The following MAN2B2 variants were observed in gnomAD, a reference collection of about 807,000 sequenced individuals.
MAN2B2 encodes epididymis-specific alpha-mannosidase.
A neutral mutation model predicts 117.1 loss-of-function variants in MAN2B2; 106 were observed. That is an observed-to-expected ratio of 0.90 (90% CI 0.77 to 1.06). The LOEUF is 1.06. MAN2B2 is among the 50% of genes least tolerant of loss of function. MAN2B2 has a pLI of 0.00. For missense variants in MAN2B2, 1,326 were observed against 1,381.4 expected, an observed-to-expected ratio of 0.96 and a Z score of 0.64; for synonymous variants, 544 against 595.1, an observed-to-expected ratio of 0.91 and a Z score of 1.25.
At chr4:6,612,028 A>G (rs1269957280) in intron 15 of MAN2B2, among the ~76,000 whole-genome samples, 1 of 152,226 alleles carries the variant, frequency 6.6e-6, no homozygotes, top group African/African-American at 2.4e-5. Context: ...CCTAGATACA[A>G]TTTGCTGCCA....
chr4:6,607,025 ACAAT>A (rs1259895629), intron 11 of MAN2B2, among the ~76,000 whole-genome samples: 2 of 152,194 alleles, frequency 1.3e-5, no homozygotes, highest in African/African-American at 4.8e-5. Flanking sequence ...AGCCATCACC[ACAAT>A]CAATTTTAGA....
rs1405103390 is a variant in MAN2B2, at chr4:6,576,622, G to A, written c.183G>A (p.Val61=). The part of the protein sequence containing the change: ...AYAANVYTSV[V]EELARGQQRR... Reference sequence around the variant, plus strand: ...CCGCCAATGTCTACACCTCAGTGGTGGAAGAGCTGGCCCGCGGCCAGCAGC... The same window carrying A: ...CCGCCAATGTCTACACCTCAGTGGTAGAAGAGCTGGCCCGCGGCCAGCAGC... Residue 61 remains valine, a synonymous_variant, in exon 2 of 19, where the codon GTG becomes GTA. Transcript: ENST00000285599. The A allele has an allele frequency of 1.2e-6, 2 of 1,613,890 alleles. No individual in the cohort carries two copies. Among genetic ancestry groups the A allele is most frequent in the Non-Finnish European group, 1.7e-6 (2 of 1,180,008 alleles).
At position 6,621,462 on chromosome 4, in the gene MAN2B2, AATTAC is replaced by A. The variant is rs371800311; in HGVS notation, c.*184_*188del. 177 of 570,098 alleles carry A rather than the reference AATTAC, an allele frequency of 3.1e-4. No homozygotes were observed. In the East Asian group the frequency reaches 4.3e-3, roughly 14 times the overall value. 35.3% of individuals were successfully genotyped at this position (570,098 alleles called of 1,614,324 possible). Reference sequence around the variant, plus strand: ...TTTTTCCCTAATTTTTTTAAACAAAAATTACATTACAAGATCCAGGTTCTTCCCCC... The same window carrying A: ...TTTTTCCCTAATTTTTTTAAACAAAAATTACAAGATCCAGGTTCTTCCCCC... On this transcript the variant is annotated 3_prime_UTR_variant, in exon 19 of 19. Coordinates refer to ENST00000285599, the MANE Select transcript of MAN2B2 (RefSeq NM_015274.3).
At chr4:6,575,418 G>A in intron 1 of MAN2B2, 70 bp downstream of exon 1, 3 of 1,264,916 alleles carry the variant, frequency 2.4e-6, no homozygotes, top group Non-Finnish European at 3.2e-6. Context: ...TCTGAGTGTG[G>A]GTTTGCGTCC....
rs752752195 is a variant in MAN2B2, at chr4:6,576,705, C to T, written c.266C>T (p.Ser89Leu). ...FFRLWWDGVA[S>L]DQQKYQVRQL... ...CGGCTGTGGTGGGATGGCGTCGCCT[C>T]GGACCAGCAGAAATACCAGGTAATG... The change falls in exon 2 of 19, where the codon TCG becomes TTG. Residue 89 changes from serine to leucine, a missense_variant. Coordinates refer to ENST00000285599, the MANE Select transcript of MAN2B2 (RefSeq NM_015274.3). 9 of 1,613,772 alleles carry T rather than the reference C, an allele frequency of 5.6e-6. No individual in the cohort carries two copies. The South Asian group carries it at 6.6e-5, about 12-fold the overall frequency.
At chr4:6,600,788 T>C (rs1313187548) in intron 10 of MAN2B2, 32 bp downstream of exon 10, 2 of 1,611,092 alleles carry the variant, frequency 1.2e-6, no homozygotes, top group East Asian at 4.5e-5. Flanking sequence ...GGAGGGGCCT[T>C]AGCTGCTTGC....
chr4:6,591,195 GAGA>G (rs1726846463), intron 5 of MAN2B2, among the ~76,000 whole-genome samples: 1 of 151,914 alleles, frequency 6.6e-6, no homozygotes, highest in Non-Finnish European at 1.5e-5. Context: ...AAGGGGCCTG[GAGA>G]CCCTTGGGAA....
intron 3 of MAN2B2, among the ~76,000 whole-genome samples, chr4:6,582,084 G>A (rs960598550): frequency 1.3e-5 from 2 of 151,960 alleles, no homozygotes. Flanking sequence ...CTATCCTGAG[G>A]GGAGAGAGCC....
In MAN2B2 at chr4:6,605,185, C is replaced by T. The variant is rs1361551290; in HGVS notation, c.1670C>T (p.Ala557Val). 1.2e-6 allele frequency: 2 copies of T among 1,614,108 alleles called. No homozygotes were observed. The highest frequency in any genetic ancestry group is 4.5e-5 in the East Asian group (2 of 44,896). The change falls in exon 11 of 19, where the codon GCC (alanine) becomes GTC (valine). Residue 557 changes from alanine (A) to valine (V), a missense_variant. Physicochemically the swap from Ala to Val is moderately conservative, Grantham distance 64 (BLOSUM62 0). Coordinates refer to ENST00000285599, the MANE Select transcript of MAN2B2 (RefSeq NM_015274.3). ...CAAGAGGGCACCCAGGAGCCGGCTG[C>T]CACTGTGGCGAGCACCCTTCAATTT... ...GAQEGTQEPA[A>V]TVASTLQFGR...
chr4:6,607,592 A>G (rs535974948), intron 11 of MAN2B2, among the ~76,000 whole-genome samples: 1 of 152,336 alleles, frequency 6.6e-6, no homozygotes, highest in South Asian at 2.1e-4. Context: ...ATACTATTCC[A>G]TCGCATGTAT....
chr4:6,611,075 C>G lies in MAN2B2; in HGVS notation c.2371-11C>G, dbSNP rs1289727533. Reference sequence around the variant, plus strand: ...TGCAAGCCGGGCCTCTCGGACAATGCCTTCCCGCAGGTCATGCTCCACCGG... The same window carrying G: ...TGCAAGCCGGGCCTCTCGGACAATGGCTTCCCGCAGGTCATGCTCCACCGG... On this transcript the variant is annotated splice_polypyrimidine_tract_variant and intron_variant, in intron 14 of 18. Transcript: ENST00000285599. 6.2e-7 allele frequency: 1 copy of G among 1,611,904 alleles called. No homozygotes were observed. Among genetic ancestry groups the G allele is most frequent in the Non-Finnish European group, 8.5e-7 (1 of 1,178,480 alleles).
intron 15 of MAN2B2, among the ~76,000 whole-genome samples, chr4:6,612,949 TTCTC>T (rs1368873005): frequency 8.5e-5 from 13 of 152,348 alleles, no homozygotes; most frequent in East Asian, 7.7e-4. Flanking sequence ...TCACCTGCAC[TTCTC>T]TCTGTCTGCA....
rs917290093 is a variant in MAN2B2 at position 6,604,200 on chromosome 4, C to T, written c.1540-855C>T. Among the ~76,000 whole-genome samples the T allele has an allele frequency of 4.6e-5, 7 of 152,098 alleles. No individual in the cohort carries two copies. The East Asian group carries it at 5.8e-4, about 13-fold the overall frequency. ...GGGCCAGAGGACAGAGTAAGGTCAC[C>T]GCAGGGAGGAGGCTGGGTCCCAGAG... On this transcript the variant is annotated intron_variant, in intron 10 of 18. Coordinates refer to ENST00000285599, the MANE Select transcript of MAN2B2 (RefSeq NM_015274.3).
At chr4:6,594,024 G>A (rs1476667780) in intron 6 of MAN2B2, among the ~76,000 whole-genome samples, 1 of 152,098 alleles carries the variant, frequency 6.6e-6, no homozygotes, top group Non-Finnish European at 1.5e-5. Flanking sequence ...CCCTTGTGAA[G>A]GCAAGCTTAA....
At chr4:6,606,450 G>T (rs1727550297) in intron 11 of MAN2B2, among the ~76,000 whole-genome samples, 1 of 152,268 alleles carries the variant, frequency 6.6e-6, no homozygotes, top group African/African-American at 2.4e-5. Context: ...GCCAGGTTAG[G>T]CCAGGAGAGG....
intron 15 of MAN2B2, among the ~76,000 whole-genome samples, chr4:6,612,768 T>G (rs1461746247): frequency 6.6e-6 from 1 of 152,226 alleles, no homozygotes; most frequent in Non-Finnish European, 1.5e-5. Flanking sequence ...GTCAGCTCCA[T>G]CCCACCTGGC....
At chr4:6,595,303 G>A (rs1033748468) in intron 7 of MAN2B2, among the ~76,000 whole-genome samples, 1 of 152,188 alleles carries the variant, frequency 6.6e-6, no homozygotes, top group Non-Finnish European at 1.5e-5. Flanking sequence ...GTGGTGCCTC[G>A]TGCATAGATA....
At chr4:6,577,533 G>A (rs1234982600) in intron 2 of MAN2B2, among the ~76,000 whole-genome samples, 1 of 152,232 alleles carries the variant, frequency 6.6e-6, no homozygotes, top group Non-Finnish European at 1.5e-5. Context: ...GCCACTTGAT[G>A]CTGCCAGATA....
At chr4:6,620,886 C>A in intron 18 of MAN2B2, 1 of 336,754 alleles carries the variant, frequency 3.0e-6, no homozygotes. Flanking sequence ...GAATTGAGGC[C>A]ACTAGGGCCA....
Sources: gnomAD v4.1 joint callset for allele counts (sites outside exome capture counted in the v4.1 genomes callset) on GRCh38, gnomAD v4.1.1 for gene constraint, MANE v1.5 for transcripts, NCBI Gene and HGNC (gene_info 2026-07-23, HGNC 2026-07-21) for gene names.